GRID2: variants seen among roughly 807,000 people sequenced by gnomAD.
GRID2 encodes glutamate ionotropic receptor delta type subunit 2.
A neutral mutation model predicts 114.8 loss-of-function variants in GRID2; 33 were observed. The observed-to-expected ratio is 0.29, with a 90% CI of 0.22 to 0.38. The LOEUF is 0.38. Among genes scored for constraint, GRID2 ranks in the 10% least tolerant of loss-of-function variants. The pLI, the probability that GRID2 is intolerant of heterozygous loss-of-function variation, is 1.00. For synonymous variants in GRID2, 505 were observed against 449.9 expected, an observed-to-expected ratio of 1.12 and a Z score of -1.55; for missense variants, 1,184 against 1,257.7, an observed-to-expected ratio of 0.94 and a Z score of 0.89.
At chr4:93,264,757 GATATATAT>G (rs10567648) in intron 8 of GRID2, among the ~76,000 whole-genome samples, 1 of 136,878 alleles carries the variant, frequency 7.3e-6, no homozygotes, top group African/African-American at 2.8e-5. Flanking sequence ...TCATTTGAAT[GATATATAT>G]ATATATATAA....
intron 1 of GRID2, among the ~76,000 whole-genome samples, chr4:93,781,866 C>G (rs1341146583): frequency 2.0e-5 from 3 of 152,124 alleles, no homozygotes; most frequent in Admixed American, 6.5e-5. Flanking sequence ...AGAGGTCTGA[C>G]TGCATTTGAC....
chr4:92,880,797 C>T lies in GRID2; in HGVS notation c.245-204198C>T, dbSNP rs542638463. On this transcript the variant is annotated intron_variant, in intron 2 of 15. Transcript: ENST00000282020. ...AGTGCAATGACGCTATCTTGGCTGGCTACAACCTCTGCCTCCCGGGTTCAA... is the reference window on the plus strand; with the variant it reads ...AGTGCAATGACGCTATCTTGGCTGGTTACAACCTCTGCCTCCCGGGTTCAA... 2.0e-5 allele frequency among the ~76,000 whole-genome samples: 3 copies of T among 152,266 alleles called. No individual in the cohort carries two copies. The East Asian group carries it at 5.8e-4, about 29-fold the overall frequency.
intron 1 of GRID2, among the ~76,000 whole-genome samples, chr4:92,589,005 C>T (rs572380686): frequency 6.6e-6 from 1 of 152,174 alleles, no homozygotes; most frequent in African/African-American, 2.4e-5. Flanking sequence ...ACTCGGGAGG[C>T]TGAGGCCGGA....
intron 2 of GRID2, among the ~76,000 whole-genome samples, chr4:92,805,610 C>T (rs1391385759): frequency 1.3e-5 from 2 of 151,928 alleles, no homozygotes; most frequent in Non-Finnish European, 2.9e-5. Context: ...TTCTCTTGAT[C>T]TCTAAAAATC....
intron 8 of GRID2, among the ~76,000 whole-genome samples, chr4:93,366,471 C>T (rs1053676700): frequency 3.3e-5 from 5 of 152,192 alleles, no homozygotes; most frequent in Admixed American, 2.6e-4. Context: ...AAAACCCTGT[C>T]TCCTGATAAG....
At chr4:92,714,659 C>G (rs889529174) in intron 2 of GRID2, among the ~76,000 whole-genome samples, 3 of 152,258 alleles carry the variant, frequency 2.0e-5, no homozygotes, top group Non-Finnish European at 2.9e-5. Context: ...TTCTATGCAC[C>G]CACAGGCTCA....
At chr4:93,395,514 A>T (rs1303505593) in intron 8 of GRID2, 93 bp from the exon 9 acceptor site, 1 of 643,248 alleles carries the variant, frequency 1.6e-6, no homozygotes, top group African/African-American at 1.8e-5. Flanking sequence ...CAATTATTCT[A>T]AGAGCTATCA....
intron 2 of GRID2, among the ~76,000 whole-genome samples, chr4:92,931,670 C>A (rs1334015346): frequency 1.4e-5 from 2 of 147,622 alleles, no homozygotes; most frequent in Non-Finnish European, 3.0e-5. Context: ...CTAGAGTAAC[C>A]AAAATAACCT....
chr4:93,378,930 C>T (rs1763612628), intron 8 of GRID2, among the ~76,000 whole-genome samples: 1 of 152,016 alleles, frequency 6.6e-6, no homozygotes, highest in African/African-American at 2.4e-5. Flanking sequence ...TCTATTATCC[C>T]TTGGATAATT....
intron 6 of GRID2, among the ~76,000 whole-genome samples, chr4:93,218,384 G>T (rs1744481812): frequency 1.3e-5 from 2 of 151,996 alleles, no homozygotes; most frequent in Admixed American, 1.3e-4. Context: ...TCCTCCTGTA[G>T]TCCCAGCTAC....
chr4:92,711,229 A>G (rs1438264588), intron 2 of GRID2, among the ~76,000 whole-genome samples: 2 of 152,184 alleles, frequency 1.3e-5, no homozygotes, highest in African/African-American at 4.8e-5. Context: ...GCTAATGGCA[A>G]TTCATTCCTT....
intron 2 of GRID2, among the ~76,000 whole-genome samples, chr4:92,990,834 C>T (rs1210705241): frequency 2.0e-5 from 3 of 152,022 alleles, no homozygotes. Context: ...TTCCATTGCC[C>T]TCTAGAAAAG....
chr4:92,398,466 A>G (rs958819515), intron 1 of GRID2, among the ~76,000 whole-genome samples: 5 of 152,002 alleles, frequency 3.3e-5, no homozygotes, highest in African/African-American at 1.2e-4. Flanking sequence ...ACACTGGGCT[A>G]GCTTTTGAAT....
intron 2 of GRID2, among the ~76,000 whole-genome samples, chr4:92,758,799 A>C (rs1172861684): frequency 6.6e-6 from 1 of 152,128 alleles, no homozygotes; most frequent in African/African-American, 2.4e-5. Flanking sequence ...GTATCAGTTG[A>C]GTCCATGCAG....
At chr4:93,802,289 A>G (rs1182103398) in intron 1 of GRID2, among the ~76,000 whole-genome samples, 1 of 152,210 alleles carries the variant, frequency 6.6e-6, no homozygotes, top group Non-Finnish European at 1.5e-5. Context: ...TTCATCACTT[A>G]CATTTATCTT....
At chr4:93,548,705 G>A (rs895346599) in intron 13 of GRID2, among the ~76,000 whole-genome samples, 17 of 152,014 alleles carry the variant, frequency 1.1e-4, no homozygotes, top group African/African-American at 4.1e-4. Flanking sequence ...TTTAAGAAAG[G>A]GCAGAACTAT....
At chr4:93,477,018 A>G (rs932729277) in intron 11 of GRID2, among the ~76,000 whole-genome samples, 2 of 152,130 alleles carry the variant, frequency 1.3e-5, no homozygotes, top group Admixed American at 1.3e-4. Flanking sequence ...TGGGCATGAT[A>G]TAATAAATGA....
chr4:92,356,724 C>A (rs1488983270), intron 1 of GRID2, among the ~76,000 whole-genome samples: 3 of 151,708 alleles, frequency 2.0e-5, no homozygotes, highest in Admixed American at 1.3e-4. Context: ...GCTGTGTCTA[C>A]TATGCTTTTC....
intron 11 of GRID2, among the ~76,000 whole-genome samples, chr4:93,473,879 A>G (rs1043974759): frequency 2.6e-5 from 4 of 152,126 alleles, no homozygotes; most frequent in Admixed American, 6.6e-5. Context: ...TGAAACTTGG[A>G]AAAAGCAGCA....
Sources: allele counts gnomAD v4.1 joint callset (sites outside exome capture counted in the v4.1 genomes callset), GRCh38; gene constraint gnomAD v4.1.1; transcripts MANE v1.5; gene names NCBI Gene and HGNC (gene_info 2026-07-23, HGNC 2026-07-21).